Variants in HDAC5 observed in about 807,000 individuals in gnomAD.
HDAC5 encodes antigen NY-CO-9.
A neutral mutation model predicts 133.3 loss-of-function variants in HDAC5; 25 were observed. The ratio of observed to expected loss-of-function variants is 0.19; its 90% CI spans 0.14 to 0.26. The LOEUF is 0.26. Among genes scored for constraint, HDAC5 ranks in the 10% least tolerant of loss-of-function variants. HDAC5 has a pLI of 1.00. For synonymous variants in HDAC5, 589 were observed against 610.8 expected, an observed-to-expected ratio of 0.96 and a Z score of 0.53; for missense variants, 1,041 against 1,460.5, an observed-to-expected ratio of 0.71 and a Z score of 4.68.
intron 23 of HDAC5, among the ~76,000 whole-genome samples, chr17:44,079,881 C>T (rs1386003025): frequency 1.3e-5 from 2 of 152,122 alleles, no homozygotes; most frequent in African/African-American, 4.8e-5. Context: ...ACAGCTCCGG[C>T]AGGATACATC....
intron 1 of HDAC5, among the ~76,000 whole-genome samples, chr17:44,122,235 C>T (rs1242593200): frequency 6.6e-6 from 1 of 152,090 alleles, no homozygotes; most frequent in African/African-American, 2.4e-5. Context: ...GACTGAAGAC[C>T]ATGCCTGCCT....
chr17:44,121,814 G>T (rs1030989667), intron 1 of HDAC5, among the ~76,000 whole-genome samples: 2 of 152,132 alleles, frequency 1.3e-5, no homozygotes, highest in Admixed American at 6.5e-5. Flanking sequence ...TGGAAAAGAA[G>T]GGGAGGCTGG....
intron 2 of HDAC5, 109 bp from the exon 3 acceptor site, chr17:44,110,909 G>A: frequency 3.3e-6 from 3 of 902,294 alleles, no homozygotes; most frequent in Non-Finnish European, 5.3e-6. Context: ...GAGGCGGGGA[G>A]CAGACCGAAG....
At chr17:44,110,899 G>A (rs1364471765) in intron 2 of HDAC5, 99 bp from the exon 3 acceptor site, 2 of 1,017,606 alleles carry the variant, frequency 2.0e-6, no homozygotes, top group Non-Finnish European at 3.0e-6. Flanking sequence ...GGGGCCGCCA[G>A]AGGCGGGGAG....
At chr17:44,095,108 T>C (rs1247828316) in intron 3 of HDAC5, among the ~76,000 whole-genome samples, 2 of 152,166 alleles carry the variant, frequency 1.3e-5, no homozygotes, top group Admixed American at 6.5e-5. Context: ...CACATAATAT[T>C]ATCATTGATA....
At chr17:44,118,470 A>G (rs2052785304) in intron 1 of HDAC5, among the ~76,000 whole-genome samples, 4 of 152,122 alleles carry the variant, frequency 2.6e-5, no homozygotes, top group Admixed American at 2.6e-4. Context: ...TCCACCCAAA[A>G]CAAGGGACGA....
Position 44,088,691 on chromosome 17 carries a change from G to A in HDAC5, c.1388-93C>T. 5 of 1,503,048 alleles carry A rather than the reference G, an allele frequency of 3.3e-6. No homozygotes were observed. The South Asian group carries it at 3.9e-5, about 12-fold the overall frequency. 93.1% of individuals were successfully genotyped at this position (1,503,048 alleles called of 1,614,324 possible). On this transcript the variant is annotated intron_variant, in intron 11 of 26. Transcript: ENST00000682912. ...CATCTTGCCCCCACAACCCCCTCTG[G>A]CATATCACCACCTATATACTCAGGA...
chr17:44,107,715 C>T (rs116158498), intron 3 of HDAC5, among the ~76,000 whole-genome samples: 1,647 of 152,076 alleles, frequency 0.011, 36 homozygotes, highest in African/African-American at 0.037. Flanking sequence ...TCTTACCCTC[C>T]CGGCACTACA....
At chr17:44,078,912 G>A (rs1428952906) in intron 24 of HDAC5, 33 bp from the exon 25 acceptor site, 4 of 1,609,464 alleles carry the variant, frequency 2.5e-6, no homozygotes, top group South Asian at 1.1e-5. Flanking sequence ...GCTTAGGGTG[G>A]GGAGTAGGGT....
chr17:44,084,347 C>G (rs1223203338), intron 16 of HDAC5, among the ~76,000 whole-genome samples: 2 of 152,326 alleles, frequency 1.3e-5, no homozygotes, highest in Non-Finnish European at 1.5e-5. Flanking sequence ...CCGAGCACTT[C>G]CATCCTCCTG....
At chr17:44,082,728 C>T in intron 19 of HDAC5, 37 bp downstream of exon 19, 1 of 1,607,154 alleles carries the variant, frequency 6.2e-7, no homozygotes, top group Admixed American at 1.7e-5. Context: ...TTGCAAGAGA[C>T]AGGAAGGGGC....
At chr17:44,100,312 G>A (rs1342932069) in intron 3 of HDAC5, among the ~76,000 whole-genome samples, 2 of 152,074 alleles carry the variant, frequency 1.3e-5, no homozygotes, top group Non-Finnish European at 2.9e-5. Context: ...ACCCCGGCCA[G>A]CAAGGAAATG....
rs138137922 is a variant in HDAC5, at chr17:44,092,450, G to C, written c.850C>G (p.Arg284Gly). The change falls in exon 8 of 27, where the codon CGC (arginine) becomes GGC (glycine). Residue 284 changes from arginine to glycine, a missense_variant. By Grantham distance (125) the Arg-to-Gly change is moderately radical. Transcript: ENST00000682912. Reference sequence around the variant, plus strand: ...GTGCTAATAACAGTCCCATCCTTGCGACGCAGGAGGGGACTGCTTCTCCGC... The same window carrying C: ...GTGCTAATAACAGTCCCATCCTTGCCACGCAGGAGGGGACTGCTTCTCCGC... ...AERRSSPLLRRKDGTVISTFK... is the reference protein window; with the variant it reads ...AERRSSPLLRGKDGTVISTFK... 1 of 1,613,880 alleles carries C rather than the reference G, an allele frequency of 6.2e-7. No individual in the cohort carries two copies. The highest frequency in any genetic ancestry group is 8.5e-7 in the Non-Finnish European group (1 of 1,179,842).
chr17:44,108,610 G>C (rs150941342), intron 3 of HDAC5, among the ~76,000 whole-genome samples: 2 of 151,846 alleles, frequency 1.3e-5, no homozygotes, highest in East Asian at 1.9e-4. Context: ...TCTGGAGACC[G>C]ATCAAGAGAT....
intron 23 of HDAC5, 36 bp from the exon 24 acceptor site, chr17:44,079,313 C>T (rs919528133): frequency 4.4e-6 from 7 of 1,601,446 alleles, no homozygotes; most frequent in South Asian, 2.2e-5. Flanking sequence ...GAAGAAATGG[C>T]GAAAGGTAAT....
At chr17:44,108,731 T>C (rs1225590843) in intron 3 of HDAC5, among the ~76,000 whole-genome samples, 6 of 124,346 alleles carry the variant, frequency 4.8e-5, no homozygotes, top group Non-Finnish European at 8.0e-5. Flanking sequence ...ATTTGAAACA[T>C]CTATTTACAT....
chr17:44,120,264 A>G (rs2052903801), intron 1 of HDAC5, among the ~76,000 whole-genome samples: 1 of 152,214 alleles, frequency 6.6e-6, no homozygotes, highest in African/African-American at 2.4e-5. Flanking sequence ...CTGGGGAGTC[A>G]GGTGTCCCTT....
rs373758529 is a variant in HDAC5 at position 44,110,702 on chromosome 17, G to A, written c.94+27C>T. The A allele has an allele frequency of 1.1e-4, 169 of 1,591,316 alleles. No individual in the cohort carries two copies. In the African/African-American group the frequency reaches 2.1e-3, roughly 20 times the overall value. On this transcript the variant is annotated intron_variant, in intron 3 of 26. Transcript: ENST00000682912. Reference sequence around the variant, plus strand: ...GGGACAAGGATGCCAGATGACAGAGGGCAGGCAGGGACATCAAGGCACTTA... The same window carrying A: ...GGGACAAGGATGCCAGATGACAGAGAGCAGGCAGGGACATCAAGGCACTTA...
intron 1 of HDAC5, among the ~76,000 whole-genome samples, chr17:44,118,998 A>G (rs2052821880): frequency 6.6e-6 from 1 of 152,148 alleles, no homozygotes. Flanking sequence ...GCACGCACAC[A>G]TGCACACACG....
Sources: gnomAD v4.1 joint callset for allele counts (sites outside exome capture counted in the v4.1 genomes callset) on GRCh38, gnomAD v4.1.1 for gene constraint, MANE v1.5 for transcripts, NCBI Gene and HGNC (gene_info 2026-07-23, HGNC 2026-07-21) for gene names.